Variants in WDPCP observed in about 807,000 individuals in gnomAD.
WDPCP encodes the protein WD repeat-containing and planar cell polarity effector protein fritz homolog.
WDPCP carries 71 observed loss-of-function variants against 93.1 expected under a neutral mutation model. That is an observed-to-expected ratio of 0.76 (90% confidence interval 0.63 to 0.93). The LOEUF is 0.93. Among genes scored for constraint, WDPCP ranks in the 40% least tolerant of loss-of-function variants. The pLI is 0.00. For synonymous variants in WDPCP, 315 were observed against 315.0 expected (o/e 1.00, Z 0.00); for missense variants, 844 against 887.4 (o/e 0.95, Z 0.62).
chr2:63,581,876 G>A (rs1196615356), intron 1 of WDPCP, among the ~76,000 whole-genome samples: 2 of 151,858 alleles, frequency 1.3e-5, no homozygotes, highest in Non-Finnish European at 1.5e-5. Context: ...AGGTATGGTG[G>A]TGCACACCTG....
intron 16 of WDPCP, 134 bp downstream of exon 16, chr2:63,153,361 A>G: frequency 3.3e-6 from 2 of 606,548 alleles, no homozygotes; most frequent in South Asian, 2.6e-5. Context: ...TTTTATATCA[A>G]TGACAAGCAG....
intron 1 of WDPCP, among the ~76,000 whole-genome samples, chr2:63,570,417 T>A (rs570372618): frequency 6.6e-6 from 1 of 152,326 alleles, no homozygotes; most frequent in East Asian, 1.9e-4. Context: ...CTTCACCTCA[T>A]CAACTTTTCC....
At chr2:63,192,112 C>CCTAT (rs1376348930) in intron 14 of WDPCP, among the ~76,000 whole-genome samples, 1 of 152,026 alleles carries the variant, frequency 6.6e-6, no homozygotes, top group East Asian at 1.9e-4. Context: ...TTTTTGCTAT[C>CCTAT]CTATCTTAAC....
chr2:63,459,288 T>C (rs1262980070), intron 6 of WDPCP, among the ~76,000 whole-genome samples: 1 of 152,032 alleles, frequency 6.6e-6, no homozygotes, highest in Non-Finnish European at 1.5e-5. Flanking sequence ...CAACCTCTTG[T>C]ATAGGAGAAA....
chr2:63,193,547 A>G (rs1322034543), intron 14 of WDPCP, among the ~76,000 whole-genome samples: 2 of 152,198 alleles, frequency 1.3e-5, no homozygotes, highest in African/African-American at 4.8e-5. Context: ...GTGCAGTGGC[A>G]TGATCACAGC....
At chr2:63,616,085 T>A (rs1421192557) in intron 3 of WDPCP, among the ~76,000 whole-genome samples, 1 of 152,218 alleles carries the variant, frequency 6.6e-6, no homozygotes, top group African/African-American at 2.4e-5. Context: ...GAATTCTATC[T>A]TTATGGAACA....
chr2:63,606,134 C>CA, intron 3 of WDPCP: 1 of 1,109,784 alleles, frequency 9.0e-7, no homozygotes, highest in South Asian at 1.3e-5. Context: ...ATAATCCCAA[C>CA]ACTTTGGAAG....
At chr2:63,575,500 T>C (rs1392123540) in intron 1 of WDPCP, among the ~76,000 whole-genome samples, 3 of 114,776 alleles carry the variant, frequency 2.6e-5, no homozygotes, top group Admixed American at 7.8e-5. Context: ...GTATATACAG[T>C]ATATACACTG....
chr2:63,811,711 G>T (rs1289075832), intron 2 of WDPCP, among the ~76,000 whole-genome samples: 1 of 151,658 alleles, frequency 6.6e-6, no homozygotes, highest in Non-Finnish European at 1.5e-5. Flanking sequence ...TGTCACTCGG[G>T]TACTGAGCAT....
intron 2 of WDPCP, among the ~76,000 whole-genome samples, chr2:63,812,524 C>T (rs561278672): frequency 2.0e-5 from 3 of 152,296 alleles, no homozygotes; most frequent in South Asian, 4.1e-4. Flanking sequence ...TTTACATTCC[C>T]ACCAACAGTG....
chr2:63,805,747 A>G (rs1303507674), intron 2 of WDPCP, among the ~76,000 whole-genome samples: 1 of 152,186 alleles, frequency 6.6e-6, no homozygotes, highest in Non-Finnish European at 1.5e-5. Flanking sequence ...TGAGAGCAGT[A>G]TAACAGGAAT....
chr2:63,211,095 C>G, intron 14 of WDPCP, among the ~76,000 whole-genome samples: 1 of 152,182 alleles, frequency 6.6e-6, no homozygotes, highest in East Asian at 1.9e-4. Context: ...GTCAGACAGC[C>G]TTGAAGAGAG....
At position 63,244,484 on chromosome 2, in the gene WDPCP, C is replaced by T. The variant is rs116187828; in HGVS notation, c.1915+14823G>A. ...ACTGCTAGCTTGGCTAGATTAACAA[C>T]GAAAAAAAGAGAGATCCAAATAAGC... On this transcript the variant is annotated intron_variant, in intron 14 of 17. Transcript: ENST00000272321. 7.6e-4 allele frequency among the ~76,000 whole-genome samples: 115 copies of T among 151,838 alleles called. 1 individual carries two copies. Among genetic ancestry groups the T allele is most frequent in the South Asian group, 3.3e-3 (16 of 4,812 alleles).
chr2:63,678,580 C>T (rs1229861502), intron 2 of WDPCP, among the ~76,000 whole-genome samples: 1 of 152,162 alleles, frequency 6.6e-6, no homozygotes, highest in Non-Finnish European at 1.5e-5. Flanking sequence ...TTTTAGTGCA[C>T]CTTTTTGTAC....
chr2:63,575,459 G>C (rs1469952714), intron 1 of WDPCP, among the ~76,000 whole-genome samples: 4 of 35,094 alleles, frequency 1.1e-4, no homozygotes, highest in African/African-American at 9.8e-4. Context: ...TGTATATACA[G>C]TATATATGCA....
At chr2:63,785,717 T>C (rs1308311502) in intron 2 of WDPCP, among the ~76,000 whole-genome samples, 1 of 152,198 alleles carries the variant, frequency 6.6e-6, no homozygotes, top group African/African-American at 2.4e-5. Flanking sequence ...TACAATTTTC[T>C]TAGATTCACT....
In WDPCP at chr2:63,558,104, A is replaced by G. The variant is rs539188665; in HGVS notation, c.75+30093T>C. Reference sequence around the variant, plus strand: ...TAAAAGAGCTAGAGAATCAAAGCAGACAAGAAATAACCAAGTTCAGAGCAG... The same window carrying G: ...TAAAAGAGCTAGAGAATCAAAGCAGGCAAGAAATAACCAAGTTCAGAGCAG... On this transcript the variant is annotated intron_variant, in intron 1 of 17. Coordinates refer to ENST00000272321, the MANE Select transcript of WDPCP (RefSeq NM_015910.7). Among the ~76,000 whole-genome samples the G allele has an allele frequency of 6.6e-5, 10 of 152,300 alleles. 1 individual carries two copies. Among genetic ancestry groups the G allele is most frequent in the Admixed American group, 3.3e-4 (5 of 15,294 alleles).
At chr2:63,734,870 T>TAGACAGACAGACAGACAGAC (rs10586648) in intron 2 of WDPCP, among the ~76,000 whole-genome samples, 4 of 141,330 alleles carry the variant, frequency 2.8e-5, no homozygotes, top group Non-Finnish European at 4.7e-5. Context: ...GATAGATAGA[T>TAGACAGACAGACAGACAGAC]AGACAGACAG....
chr2:63,186,811 G>GTTTT (rs34323591), intron 14 of WDPCP, among the ~76,000 whole-genome samples: 6 of 132,562 alleles, frequency 4.5e-5, no homozygotes, highest in African/African-American at 1.1e-4. Context: ...GTGTGTGTGT[G>GTTTT]TTTTTTTTTT....
Sources: gnomAD v4.1 joint callset for allele counts (sites outside exome capture counted in the v4.1 genomes callset) on GRCh38, gnomAD v4.1.1 for gene constraint, MANE v1.5 for transcripts, NCBI Gene and HGNC (gene_info 2026-07-23, HGNC 2026-07-21) for gene names.